The following AKAP13 variants were observed in gnomAD, a reference collection of about 807,000 sequenced individuals.
The protein encoded by AKAP13 is A-kinase anchoring protein 13.
A neutral mutation model predicts 264.5 loss-of-function variants in AKAP13; 80 were observed. The observed-to-expected ratio is 0.30, with a 90% confidence interval of 0.25 to 0.36. The LOEUF (loss-of-function observed/expected upper bound fraction) is 0.36. AKAP13 is among the 10% of genes least tolerant of loss of function. The pLI, the probability that AKAP13 is intolerant of heterozygous loss-of-function variation, is 1.00. For synonymous variants in AKAP13, 1,380 were observed against 1,250.2 expected, an observed-to-expected ratio of 1.10 and a Z score of -2.19; for missense variants, 3,712 against 3,435.2, an observed-to-expected ratio of 1.08 and a Z score of -2.01.
chr15:85,384,158 CTT>C (rs1217503075), intron 1 of AKAP13, among the ~76,000 whole-genome samples: 1 of 152,142 alleles, frequency 6.6e-6, no homozygotes, highest in Non-Finnish European at 1.5e-5. Flanking sequence ...TTTGATCAAA[CTT>C]ACAGATTGAG....
intron 5 of AKAP13, among the ~76,000 whole-genome samples, chr15:85,557,037 GTTGT>G (rs1241359571): frequency 1.3e-5 from 2 of 152,174 alleles, no homozygotes; most frequent in Non-Finnish European, 2.9e-5. Flanking sequence ...AAGTGGTTTT[GTTGT>G]TTAAGGTGTG....
intron 2 of AKAP13, among the ~76,000 whole-genome samples, chr15:85,518,102 T>C (rs2076674614): frequency 6.6e-6 from 1 of 152,238 alleles, no homozygotes; most frequent in Non-Finnish European, 1.5e-5. Flanking sequence ...ATGTGTCTAT[T>C]TATTCTTGTA....
chr15:85,511,378 C>G (rs142747990), intron 2 of AKAP13, among the ~76,000 whole-genome samples: 4 of 152,286 alleles, frequency 2.6e-5, no homozygotes, highest in Non-Finnish European at 5.9e-5. Context: ...ACTTTCAGAT[C>G]TGACTGGCCA....
intron 9 of AKAP13, among the ~76,000 whole-genome samples, chr15:85,640,653 T>G (rs1375078773): frequency 6.6e-6 from 1 of 152,206 alleles, no homozygotes; most frequent in African/African-American, 2.4e-5. Context: ...TTCCCCCATG[T>G]AGCCTCCTAG....
chr15:85,703,867 T>C (rs12442835), intron 17 of AKAP13, among the ~76,000 whole-genome samples: 143 of 150,030 alleles, frequency 9.5e-4, no homozygotes, highest in African/African-American at 3.3e-3. Flanking sequence ...TATATATATA[T>C]ATATACACAC....
intron 8 of AKAP13, chr15:85,621,489 T>C (rs570781933): frequency 6.6e-6 from 1 of 152,354 alleles, no homozygotes; most frequent in South Asian, 2.1e-4. Flanking sequence ...TTTAGGATCT[T>C]TATGTCCATG....
intron 29 of AKAP13, among the ~76,000 whole-genome samples, chr15:85,730,311 G>A (rs1417676768): frequency 6.6e-6 from 1 of 152,142 alleles, no homozygotes. Flanking sequence ...TTGCCAGAAA[G>A]ATCCAGAATG....
intron 2 of AKAP13, among the ~76,000 whole-genome samples, chr15:85,487,252 C>A (rs528889119): frequency 6.6e-6 from 1 of 152,242 alleles, no homozygotes; most frequent in African/African-American, 2.4e-5. Flanking sequence ...CGTTTTATTT[C>A]TTTTTCTTGC....
In AKAP13 at chr15:85,746,451, G is replaced by A. The variant is rs1161822808; in HGVS notation, c.*1774G>A. ...GCCCAGATGAAATTTTAAAGGGAGG[G>A]GGTCCATGTCCTTCCCTCCCCCACC... On this transcript the variant is annotated 3_prime_UTR_variant, in exon 37 of 37. Coordinates refer to ENST00000394518, the MANE Select transcript of AKAP13 (RefSeq NM_007200.5). 6.6e-6 allele frequency: 1 copy of A among 152,016 alleles called. No individual in the cohort carries two copies. The highest frequency in any genetic ancestry group is 1.9e-4 in the East Asian group (1 of 5,178). 9.4% of individuals were successfully genotyped at this position (152,016 alleles called of 1,614,324 possible).
intron 1 of AKAP13, among the ~76,000 whole-genome samples, chr15:85,404,271 T>C (rs537638564): frequency 6.6e-6 from 1 of 152,346 alleles, no homozygotes; most frequent in Admixed American, 6.5e-5. Context: ...CAGTTTATTC[T>C]TCTTTTAGCT....
At chr15:85,656,392 C>G (rs754796038) in intron 11 of AKAP13, among the ~76,000 whole-genome samples, 7 of 152,232 alleles carry the variant, frequency 4.6e-5, no homozygotes, top group Admixed American at 3.3e-4. Context: ...TTAAGTGTGA[C>G]CCAGTATCAG....
At chr15:85,426,758 C>T (rs1344912760) in intron 1 of AKAP13, among the ~76,000 whole-genome samples, 1 of 152,094 alleles carries the variant, frequency 6.6e-6, no homozygotes, top group African/African-American at 2.4e-5. Context: ...ATCTCTCTGT[C>T]TGCAATGTTT....
intron 8 of AKAP13, among the ~76,000 whole-genome samples, chr15:85,637,937 G>A (rs983473924): frequency 9.6e-5 from 14 of 145,486 alleles, no homozygotes; most frequent in Admixed American, 4.9e-4. Context: ...GTGCAGTGGC[G>A]CGATCTTCAC....
rs529833875 is a variant in AKAP13, at chr15:85,537,775, A to G, written c.478+3895A>G. ...TTTCCTCATCTGTGAAATGGGGGAAAGTGTATTCTGATAATGTGTGCTAGT... is the reference window on the plus strand; with the variant it reads ...TTTCCTCATCTGTGAAATGGGGGAAGGTGTATTCTGATAATGTGTGCTAGT... On this transcript the variant is annotated intron_variant, in intron 4 of 36. Coordinates refer to ENST00000394518, the MANE Select transcript of AKAP13 (RefSeq NM_007200.5). Among the ~76,000 whole-genome samples the G allele has an allele frequency of 6.6e-5, 10 of 152,324 alleles. No individual in the cohort carries two copies. The South Asian group carries it at 2.1e-3, about 32-fold the overall frequency.
intron 2 of AKAP13, among the ~76,000 whole-genome samples, chr15:85,507,074 T>C (rs1000703111): frequency 5.9e-5 from 9 of 152,362 alleles, no homozygotes; most frequent in African/African-American, 2.2e-4. Flanking sequence ...CTTCTCTTTC[T>C]TTATCTTCTG....
rs772742844 is a variant in AKAP13 at position 85,684,704 on chromosome 15, C to G, written c.5157-37C>G. 39 of 1,586,168 alleles carry G rather than the reference C, an allele frequency of 2.5e-5. 1 individual carries two copies. In the South Asian group the frequency reaches 4.3e-4, roughly 18 times the overall value. On this transcript the variant is annotated intron_variant, in intron 15 of 36. Transcript: ENST00000394518. ...CTTCACTTTTATTTAACTTCTGTAG[C>G]CCTTTAAAAAAAATCAATCTTCTTG...
At chr15:85,510,470 TTAAAG>T (rs1434514552) in intron 2 of AKAP13, among the ~76,000 whole-genome samples, 2 of 152,302 alleles carry the variant, frequency 1.3e-5, no homozygotes, top group South Asian at 2.1e-4. Context: ...AAGGAAATGT[TTAAAG>T]TAACAAAATA....
chr15:85,440,342 T>C (rs1567058174), intron 1 of AKAP13, among the ~76,000 whole-genome samples: 1 of 152,204 alleles, frequency 6.6e-6, no homozygotes, highest in Non-Finnish European at 1.5e-5. Flanking sequence ...TGAAAACTTT[T>C]TCTTAATTTA....
rs771640872 is a variant in AKAP13, at chr15:85,741,033, G to T, written c.7609-13G>T. The T allele has an allele frequency of 1.3e-6, 2 of 1,594,312 alleles. No individual in the cohort carries two copies. The highest frequency in any genetic ancestry group is 1.3e-5 in the African/African-American group (1 of 74,604). ...GGCCAGAGTTGCAGGGCTCCCCTCT[G>T]TGTGCCTCCCAGGGTGTGGTGCTGC... On this transcript the variant is annotated splice_polypyrimidine_tract_variant and intron_variant, in intron 34 of 36. Coordinates refer to ENST00000394518, the MANE Select transcript of AKAP13 (RefSeq NM_007200.5).
Sources: gnomAD v4.1 joint callset for allele counts (sites outside exome capture counted in the v4.1 genomes callset) on GRCh38, gnomAD v4.1.1 for gene constraint, MANE v1.5 for transcripts, NCBI Gene and HGNC (gene_info 2026-07-23, HGNC 2026-07-21) for gene names.